DPY19L2: variants seen among roughly 807,000 people sequenced by gnomAD.
The protein encoded by DPY19L2 is dpy-19 like 2.
DPY19L2 carries 34 observed loss-of-function variants against 97.9 expected under a neutral mutation model. The ratio of observed to expected loss-of-function variants is 0.35; its 90% CI spans 0.26 to 0.46. The LOEUF is 0.46. Among genes scored for constraint, DPY19L2 ranks in the 20% least tolerant of loss-of-function variants. The pLI is 1.00. For synonymous variants in DPY19L2, 230 were observed against 307.9 expected (o/e 0.75, Z 2.65); for missense variants, 623 against 911.4 (o/e 0.68, Z 4.07).
chr12:63,663,392 TC>T (rs1895938239), intron 3 of DPY19L2, among the ~76,000 whole-genome samples: 1 of 152,094 alleles, frequency 6.6e-6, no homozygotes, highest in Admixed American at 6.5e-5. Flanking sequence ...CAAATAATAA[TC>T]GTCATCATTA....
chr12:63,614,323 T>G lies in DPY19L2; in HGVS notation c.1218+2981A>C, dbSNP rs184892912. On this transcript the variant is annotated intron_variant, in intron 11 of 21. Transcript: ENST00000324472. ...ACAAACACATCAGAATTGAAGGAAT[T>G]CTCTTGTAGAACAAGACTAAAATAA... Among the ~76,000 whole-genome samples the G allele has an allele frequency of 2.2e-3, 335 of 152,134 alleles. 1 individual carries two copies. The highest frequency in any genetic ancestry group is 7.8e-3 in the African/African-American group (322 of 41,500).
At chr12:63,605,136 A>G (rs1283729328) in intron 12 of DPY19L2, among the ~76,000 whole-genome samples, 1 of 152,072 alleles carries the variant, frequency 6.6e-6, no homozygotes, top group Non-Finnish European at 1.5e-5. Context: ...CTCAGCCCCA[A>G]ATCATGCTAC....
intron 19 of DPY19L2, among the ~76,000 whole-genome samples, chr12:63,576,949 G>A (rs1032811208): frequency 6.6e-6 from 1 of 151,780 alleles, no homozygotes. Flanking sequence ...TTATTTATTC[G>A]AAAACACAAA....
At chr12:63,654,400 A>T (rs146763765) in intron 4 of DPY19L2, among the ~76,000 whole-genome samples, 2,641 of 152,248 alleles carry the variant, frequency 0.017, 95 homozygotes, top group African/African-American at 0.06. Context: ...TGCCACAAGA[A>T]GGTTAAAATA....
chr12:63,661,567 GAAA>G, intron 3 of DPY19L2, 86 bp from the exon 4 acceptor site: 2 of 650,752 alleles, frequency 3.1e-6, no homozygotes, highest in Non-Finnish European at 4.5e-6. Context: ...CTTTTTTTCT[GAAA>G]AAAAAAAAAG....
At chr12:63,591,265 C>T (rs1882857258) in intron 16 of DPY19L2, 1 of 265,520 alleles carries the variant, frequency 3.8e-6, no homozygotes, top group African/African-American at 2.2e-5. Flanking sequence ...GTATGGAGTT[C>T]ATAGAAATTC....
At chr12:63,587,071 T>TAAA (rs35419872) in intron 16 of DPY19L2, among the ~76,000 whole-genome samples, 2 of 140,656 alleles carry the variant, frequency 1.4e-5, no homozygotes, top group African/African-American at 5.2e-5. Context: ...ACAAAAATGT[T>TAAA]AAAAAAAAGC....
At chr12:63,582,155 G>GA (rs1881047110) in intron 18 of DPY19L2, among the ~76,000 whole-genome samples, 1 of 151,982 alleles carries the variant, frequency 6.6e-6, no homozygotes, top group African/African-American at 2.4e-5. Flanking sequence ...GATATTAACA[G>GA]AGGGGAAATG....
intron 12 of DPY19L2, among the ~76,000 whole-genome samples, chr12:63,607,494 G>A (rs1022573336): frequency 4.6e-5 from 7 of 152,108 alleles, no homozygotes; most frequent in African/African-American, 1.7e-4. Context: ...CAACTTAGTG[G>A]ACAAATCTTT....
chr12:63,651,188 A>T (rs1045318875), intron 4 of DPY19L2, among the ~76,000 whole-genome samples: 2 of 152,218 alleles, frequency 1.3e-5, no homozygotes, highest in Non-Finnish European at 2.9e-5. Flanking sequence ...ATGCTGGGAT[A>T]ACTGGCTAGC....
chr12:63,578,662 G>C (rs1198775945), intron 19 of DPY19L2, among the ~76,000 whole-genome samples: 3 of 152,204 alleles, frequency 2.0e-5, no homozygotes, highest in Non-Finnish European at 2.9e-5. Context: ...CATTCTAAGT[G>C]CAACTTTGAA....
chr12:63,572,944 C>G (rs1879153600), intron 19 of DPY19L2, among the ~76,000 whole-genome samples: 1 of 152,124 alleles, frequency 6.6e-6, no homozygotes, highest in Admixed American at 6.5e-5. Context: ...ACCAAAGTCC[C>G]TTTGAATACC....
At position 63,668,254 on chromosome 12, in the gene DPY19L2, A is replaced by G. The variant is rs372693746; in HGVS notation, c.140T>C (p.Leu47Pro). 5.0e-6 allele frequency: 8 copies of G among 1,613,806 alleles called. No individual in the cohort carries two copies. Among genetic ancestry groups the G allele is most frequent in the Non-Finnish European group, 5.9e-6 (7 of 1,179,834 alleles). The change falls in exon 1 of 22, where the codon CTG (leucine) becomes CCG (proline). Residue 47 changes from leucine to proline, a missense_variant. Leu to Pro is a moderately conservative substitution (Grantham distance 98). This residue lies in a region of DPY19L2 where 144 missense variants were observed against 119.4 expected (regional missense o/e 1.21). Coordinates refer to ENST00000324472, the MANE Select transcript of DPY19L2 (RefSeq NM_173812.5). ...MEKSALGGGK[L>P]PRGSWRSSPG... is the part of the protein sequence containing the mutation. ...GGAGGACCTCCAGGAGCCCCTTGGC[A>G]GTTTCCCGCCGCCTAGGGCCGACTT... is the stretch of plus-strand genomic sequence containing the variant.
rs577948648 is a variant in DPY19L2 at position 63,586,918 on chromosome 12, T to G, written c.1581-3082A>C. On this transcript the variant is annotated intron_variant, in intron 16 of 21. Coordinates refer to ENST00000324472, the MANE Select transcript of DPY19L2 (RefSeq NM_173812.5). The stretch of plus-strand genomic sequence containing the variant: ...AGCACGATGAATAGAAAACATAAAA[T>G]CAGATGGCAGAGAGAAGTACAAACA... 4.0e-5 allele frequency among the ~76,000 whole-genome samples: 6 copies of G among 151,888 alleles called. 1 individual carries two copies. Among genetic ancestry groups the G allele is most frequent in the African/African-American group, 1.4e-4 (6 of 41,386 alleles).
intron 16 of DPY19L2, among the ~76,000 whole-genome samples, chr12:63,585,481 T>C (rs530465653): frequency 1.3e-5 from 2 of 152,130 alleles, no homozygotes; most frequent in East Asian, 3.9e-4. Flanking sequence ...CTTAAGGTAA[T>C]AGTAGAGACC....
At chr12:63,604,709 T>C (rs567696445) in intron 12 of DPY19L2, among the ~76,000 whole-genome samples, 4 of 152,094 alleles carry the variant, frequency 2.6e-5, no homozygotes, top group Admixed American at 2.6e-4. Flanking sequence ...AAAAAAAAAA[T>C]TCTGTGGTGA....
intron 21 of DPY19L2, among the ~76,000 whole-genome samples, chr12:63,568,442 AT>A (rs1171461705): frequency 6.6e-6 from 1 of 151,968 alleles, no homozygotes; most frequent in African/African-American, 2.4e-5. Flanking sequence ...CTTTGAATGT[AT>A]TTGTAATAGT....
intron 12 of DPY19L2, among the ~76,000 whole-genome samples, chr12:63,602,561 C>T (rs1885359991): frequency 1.3e-5 from 2 of 152,114 alleles, no homozygotes; most frequent in East Asian, 1.9e-4. Context: ...CCAGGGGGTA[C>T]TGGAAAAAAT....
intron 4 of DPY19L2, among the ~76,000 whole-genome samples, chr12:63,653,958 G>GA (rs925286924): frequency 3.3e-5 from 5 of 151,494 alleles, no homozygotes; most frequent in African/African-American, 1.2e-4. Flanking sequence ...CTTCAGTAAT[G>GA]AAAAGAAACT....
Sources: gnomAD v4.1 joint callset for allele counts (sites outside exome capture counted in the v4.1 genomes callset) on GRCh38, gnomAD v4.1.1 for gene constraint, gnomAD v4.1.1 regional missense constraint, MANE v1.5 for transcripts, NCBI Gene and HGNC (gene_info 2026-07-23, HGNC 2026-07-21) for gene names.